The following ZYG11A variants were observed in gnomAD, a reference collection of about 807,000 sequenced individuals.
The protein encoded by ZYG11A is zyg-11 family member A, cell cycle regulator.
Under a neutral mutation model 77.2 loss-of-function variants are expected in ZYG11A, and 62 were observed. That is an observed-to-expected ratio of 0.80 (90% CI 0.65 to 0.99). ZYG11A has a LOEUF of 0.99. Among genes scored for constraint, ZYG11A ranks in the 50% least tolerant of loss-of-function variants. ZYG11A has a pLI of 0.00. For missense variants in ZYG11A, 828 were observed against 896.8 expected, an observed-to-expected ratio of 0.92 and a Z score of 0.98; for synonymous variants, 315 against 324.6, an observed-to-expected ratio of 0.97 and a Z score of 0.32.
intron 5 of ZYG11A, 63 bp from the exon 6 acceptor site, chr1:52,866,440 G>A: frequency 2.1e-6 from 2 of 934,344 alleles, no homozygotes; most frequent in Non-Finnish European, 3.3e-6. Flanking sequence ...CAAATACATG[G>A]AATCTTTGTT....
At chr1:52,846,867 CTTT>C (rs35227167) in intron 1 of ZYG11A, among the ~76,000 whole-genome samples, 163 of 139,372 alleles carry the variant, frequency 1.2e-3, no homozygotes, top group Non-Finnish European at 1.3e-3. Context: ...TTCACATTTA[CTTT>C]TTTTTTTTTT....
At chr1:52,852,527 C>T (rs1469161060) in intron 1 of ZYG11A, among the ~76,000 whole-genome samples, 7 of 151,512 alleles carry the variant, frequency 4.6e-5, no homozygotes, top group Non-Finnish European at 7.4e-5. Flanking sequence ...TGCCACCATG[C>T]CTGGCTAATT....
At chr1:52,879,226 G>A (rs911209251) in intron 10 of ZYG11A, among the ~76,000 whole-genome samples, 1 of 152,160 alleles carries the variant, frequency 6.6e-6, no homozygotes, top group Admixed American at 6.6e-5. Context: ...CATATGCATT[G>A]GAAAAATACG....
intron 1 of ZYG11A, among the ~76,000 whole-genome samples, chr1:52,844,694 T>C (rs1468097968): frequency 2.0e-5 from 3 of 151,826 alleles, no homozygotes; most frequent in Non-Finnish European, 4.4e-5. Flanking sequence ...GATACTATTG[T>C]AAATACTTTT....
chr1:52,869,912 ACC>A (rs756560001), intron 8 of ZYG11A, among the ~76,000 whole-genome samples: 64 of 111,180 alleles, frequency 5.8e-4, no homozygotes, highest in Admixed American at 3.2e-3. Context: ...CAGGGGGCTG[ACC>A]CCCCCCACAC....
At chr1:52,853,002 T>G (rs763489716) in intron 1 of ZYG11A, among the ~76,000 whole-genome samples, 15 of 152,354 alleles carry the variant, frequency 9.8e-5, no homozygotes, top group Middle Eastern at 3.4e-3. Flanking sequence ...AGCATTGAAC[T>G]AAAAGTTAAT....
chr1:52,847,122 G>A (rs1200003594), intron 1 of ZYG11A, among the ~76,000 whole-genome samples: 1 of 151,768 alleles, frequency 6.6e-6, no homozygotes, highest in Non-Finnish European at 1.5e-5. Context: ...GTGCGGTGGC[G>A]TGATCTCGAT....
chr1:52,854,538 CTGAAAGACCTGA>C lies in ZYG11A; in HGVS notation c.167_178del (p.Glu56_Asp59del). ...ATTGCTAACCTGGAGAAATTGTGTT[CTGAAAGACCTGA>C]TGGAACACTGTGCCTTCCGGAGCAT... On this transcript the variant is annotated inframe_deletion, in exon 2 of 14. Coordinates refer to ENST00000371528, the MANE Select transcript of ZYG11A (RefSeq NM_001004339.3). The C allele has an allele frequency of 6.4e-7, 1 of 1,551,632 alleles. No individual in the cohort carries two copies. The highest frequency in any genetic ancestry group is 8.7e-7 in the Non-Finnish European group (1 of 1,146,746).
chr1:52,873,517 T>C (rs185975086), intron 8 of ZYG11A, among the ~76,000 whole-genome samples: 5 of 152,312 alleles, frequency 3.3e-5, no homozygotes, highest in Middle Eastern at 3.4e-3. Flanking sequence ...TCTAAAACTT[T>C]AACACATGAA....
Position 52,881,581 on chromosome 1 carries a change from T to A in ZYG11A, c.1860T>A (p.Ala620=). 1.7e-5 allele frequency: 26 copies of A among 1,552,318 alleles called. No homozygotes were observed. The highest frequency in any genetic ancestry group is 2.3e-5 in the Non-Finnish European group (26 of 1,147,092). ...CSREMEVSYF[A]AGIIAHLTSD... ...GGGAAATGGAAGTCAGCTATTTTGC[T>A]GCAGGTATCATAGCCCACCTGACAT... Residue 620 remains alanine (A), a synonymous_variant, in exon 11 of 14, where the codon GCT becomes GCA. Coordinates refer to ENST00000371528, the MANE Select transcript of ZYG11A (RefSeq NM_001004339.3).
Position 52,881,660 on chromosome 1 carries a change from G to C in ZYG11A, c.1939G>C (p.Asp647His). The C allele has an allele frequency of 6.5e-7, 1 of 1,548,692 alleles. No individual in the cohort carries two copies. The highest frequency in any genetic ancestry group is 1.2e-5 in the South Asian group (1 of 83,356). ...CTTCCAGAGGCGTACTCTTCTCCAA[G>C]ATCTGGTACAGGAACCACATTCTTA... ...RDFQRRTLLQ[D>H]LHATIQNWPS... Residue 647 changes from aspartate (D) to histidine (H), a missense_variant, in exon 11 of 14, where the codon GAT (aspartate) becomes CAT (histidine). Coordinates refer to ENST00000371528, the MANE Select transcript of ZYG11A (RefSeq NM_001004339.3).
Position 52,878,219 on chromosome 1 carries a change from C to G in ZYG11A, c.1749+250C>G, listed in dbSNP as rs1571873062. 3.9e-5 allele frequency among the ~76,000 whole-genome samples: 6 copies of G among 152,176 alleles called. No homozygotes were observed. The South Asian group carries it at 1.2e-3, about 31-fold the overall frequency. ...TGAATCTGTGGGTCAGTAGTTTGAG[C>G]TCAGCTCAGCTGTAAAGTTCTTCTG... On this transcript the variant is annotated intron_variant, in intron 10 of 13. Coordinates refer to ENST00000371528, the MANE Select transcript of ZYG11A (RefSeq NM_001004339.3).
At chr1:52,846,314 ATATATATATATATATATATATATATAT>A (rs1645579501) in intron 1 of ZYG11A, among the ~76,000 whole-genome samples, 2 of 2,258 alleles carry the variant, frequency 8.9e-4, no homozygotes, top group African/African-American at 1.4e-3. Flanking sequence ...AAATTTTTAT[ATATATATATATATATATATATATATAT>A]ATATATATAT....
chr1:52,880,308 A>T (rs1484322893), intron 10 of ZYG11A, among the ~76,000 whole-genome samples: 1 of 152,010 alleles, frequency 6.6e-6, no homozygotes, highest in African/African-American at 2.4e-5. Flanking sequence ...GCCTCAATAT[A>T]CTAGTGTCTA....
chr1:52,851,501 G>A (rs1645709894), intron 1 of ZYG11A, among the ~76,000 whole-genome samples: 2 of 151,730 alleles, frequency 1.3e-5, no homozygotes, highest in Non-Finnish European at 2.9e-5. Context: ...GGGTACAAGC[G>A]TTTCTCCTGC....
intron 1 of ZYG11A, among the ~76,000 whole-genome samples, chr1:52,852,368 ATTTTT>A (rs35540943): frequency 7.5e-6 from 1 of 134,120 alleles, no homozygotes; most frequent in Non-Finnish European, 1.6e-5. Context: ...TTTAGAGCAA[ATTTTT>A]TTTTTTTTTT....
At chr1:52,890,708 A>ACTCTCCCACTTCAGCCTC (rs1557461912) in intron 13 of ZYG11A, among the ~76,000 whole-genome samples, 1 of 146,856 alleles carries the variant, frequency 6.8e-6, no homozygotes, top group Non-Finnish European at 1.5e-5. Flanking sequence ...GGCTCAGGTG[A>ACTCTCCCACTTCAGCCTC]CTCTCCCACT....
In ZYG11A at chr1:52,860,881, G is replaced by A. The variant is rs1645915542; in HGVS notation, c.1149+10G>A. On this transcript the variant is annotated intron_variant, in intron 4 of 13. Coordinates refer to ENST00000371528, the MANE Select transcript of ZYG11A (RefSeq NM_001004339.3). The stretch of plus-strand genomic sequence containing the variant: ...GCCTGCTATTTTAAAGGTAATTGAA[G>A]GAAGACAATTTTTACTATTACTTCT... 6.5e-7 allele frequency: 1 copy of A among 1,548,840 alleles called. No homozygotes were observed. The highest frequency in any genetic ancestry group is 2.0e-5 in the Admixed American group (1 of 50,448).
chr1:52,847,209 G>A (rs1394083628), intron 1 of ZYG11A, among the ~76,000 whole-genome samples: 1 of 152,132 alleles, frequency 6.6e-6, no homozygotes, highest in Non-Finnish European at 1.5e-5. Context: ...TGGGATTATA[G>A]GTGTGCACCA....
Sources: allele counts gnomAD v4.1 joint callset (sites outside exome capture counted in the v4.1 genomes callset), GRCh38; gene constraint gnomAD v4.1.1; transcripts MANE v1.5; gene names NCBI Gene and HGNC (gene_info 2026-07-23, HGNC 2026-07-21).